CRIM1: variants seen among roughly 807,000 people sequenced by gnomAD.
CRIM1 encodes the protein cysteine rich transmembrane BMP regulator 1.
CRIM1 carries 32 observed loss-of-function variants against 116.4 expected under a neutral mutation model. That is an observed-to-expected ratio of 0.27 (90% confidence interval 0.21 to 0.37). The LOEUF is 0.37. Ranked by LOEUF, CRIM1 falls within the 10% of genes least tolerant of loss-of-function variation. CRIM1 has a pLI of 1.00. For missense variants in CRIM1, 1,331 were observed against 1,354.8 expected, an observed-to-expected ratio of 0.98 and a Z score of 0.28; for synonymous variants, 590 against 509.2, an observed-to-expected ratio of 1.16 and a Z score of -2.13.
chr2:36,384,402 C>CT (rs1237704277), intron 1 of CRIM1, among the ~76,000 whole-genome samples: 3 of 152,190 alleles, frequency 2.0e-5, no homozygotes, highest in Non-Finnish European at 4.4e-5. Flanking sequence ...ATAGATACGG[C>CT]TTGTGCTGTC....
intron 5 of CRIM1, among the ~76,000 whole-genome samples, chr2:36,472,540 C>A (rs1393345357): frequency 6.6e-6 from 1 of 152,126 alleles, no homozygotes; most frequent in African/African-American, 2.4e-5. Context: ...GTCCCATCCC[C>A]TCCTGCTTAA....
intron 2 of CRIM1, among the ~76,000 whole-genome samples, chr2:36,418,645 G>C (rs1673812146): frequency 6.6e-6 from 1 of 152,146 alleles, no homozygotes. Context: ...TGCAGAGGTG[G>C]TATAAAGCCA....
intron 6 of CRIM1, among the ~76,000 whole-genome samples, chr2:36,477,597 G>A (rs1363653451): frequency 6.6e-6 from 1 of 152,184 alleles, no homozygotes; most frequent in Non-Finnish European, 1.5e-5. Flanking sequence ...TGGGGTCGTG[G>A]TATCAGGTCA....
At chr2:36,505,830 TGTTTGCAAA>T (rs1681352027) in intron 8 of CRIM1, among the ~76,000 whole-genome samples, 1 of 152,158 alleles carries the variant, frequency 6.6e-6, no homozygotes, top group Non-Finnish European at 1.5e-5. Flanking sequence ...AACGAATAAA[TGTTTGCAAA>T]GCAAACATTG....
At chr2:36,364,480 A>G (rs1433962388) in intron 1 of CRIM1, among the ~76,000 whole-genome samples, 1 of 152,232 alleles carries the variant, frequency 6.6e-6, no homozygotes, top group Non-Finnish European at 1.5e-5. Flanking sequence ...GGAAATGCCA[A>G]GCATGTCAGG....
intron 5 of CRIM1, among the ~76,000 whole-genome samples, chr2:36,465,505 A>T (rs575511372): frequency 1.3e-5 from 2 of 152,254 alleles, no homozygotes; most frequent in Non-Finnish European, 2.9e-5. Context: ...ATTCATATCA[A>T]ATACTTCCTG....
At chr2:36,478,014 G>A (rs1679118189) in intron 6 of CRIM1, among the ~76,000 whole-genome samples, 1 of 152,202 alleles carries the variant, frequency 6.6e-6, no homozygotes, top group African/African-American at 2.4e-5. Flanking sequence ...GAAGTCGCAT[G>A]TGTTAATCTT....
chr2:36,363,537 C>CG (rs1280842083), intron 1 of CRIM1, among the ~76,000 whole-genome samples: 1 of 143,192 alleles, frequency 7.0e-6, no homozygotes, highest in Admixed American at 6.9e-5. Flanking sequence ...CCGCCCCCCC[C>CG]CCCCATGACT....
intron 2 of CRIM1, among the ~76,000 whole-genome samples, chr2:36,426,513 T>C (rs1357848759): frequency 4.6e-5 from 7 of 152,174 alleles, no homozygotes; most frequent in Non-Finnish European, 8.8e-5. Flanking sequence ...GAAGAAATTA[T>C]CTTGAATAGG....
chr2:36,476,768 G>T (rs1242022644), intron 5 of CRIM1, 121 bp from the exon 6 acceptor site: 1 of 747,564 alleles, frequency 1.3e-6, no homozygotes, highest in African/African-American at 1.8e-5. Context: ...ATTGAGTTGA[G>T]TAAATTTCCA....
intron 1 of CRIM1, among the ~76,000 whole-genome samples, chr2:36,386,314 A>C (rs1451940028): frequency 6.6e-6 from 1 of 152,212 alleles, no homozygotes; most frequent in Non-Finnish European, 1.5e-5. Flanking sequence ...TTATTTATTT[A>C]TCTAACATGG....
chr2:36,465,554 G>C (rs1164882165), intron 5 of CRIM1, among the ~76,000 whole-genome samples: 4 of 152,126 alleles, frequency 2.6e-5, no homozygotes, highest in Non-Finnish European at 5.9e-5. Context: ...GCCCTCCCAA[G>C]GCAAGAAAGG....
chr2:36,436,956 A>G (rs1029351520), intron 2 of CRIM1, among the ~76,000 whole-genome samples: 2 of 152,276 alleles, frequency 1.3e-5, no homozygotes, highest in East Asian at 3.8e-4. Context: ...AAAAATCAGA[A>G]TATAACCAAA....
rs116443803 is a variant in CRIM1, at chr2:36,451,340, A to G, written c.869+8605A>G. ...TCATCTGCCCTCAAGGAAAGAATCA[A>G]TTAATAGACAGTCTTTCTACCAAAC... On this transcript the variant is annotated intron_variant, in intron 4 of 16. Transcript: ENST00000280527. 5.1e-3 allele frequency among the ~76,000 whole-genome samples: 772 copies of G among 152,326 alleles called. 2 individuals are homozygous for G. The highest frequency in any genetic ancestry group is 0.017 in the African/African-American group (723 of 41,576).
intron 7 of CRIM1, among the ~76,000 whole-genome samples, chr2:36,483,031 T>A (rs1469644739): frequency 2.0e-5 from 3 of 152,198 alleles, no homozygotes; most frequent in African/African-American, 7.2e-5. Context: ...CTTTTTAAAT[T>A]GGCACTTAAG....
At chr2:36,392,279 A>C (rs1316164957) in intron 1 of CRIM1, among the ~76,000 whole-genome samples, 1 of 152,230 alleles carries the variant, frequency 6.6e-6, no homozygotes, top group South Asian at 2.1e-4. Context: ...AAAGTAACTT[A>C]TGTAATATCC....
At chr2:36,410,197 GT>G (rs1400963452) in intron 2 of CRIM1, among the ~76,000 whole-genome samples, 2 of 151,784 alleles carry the variant, frequency 1.3e-5, no homozygotes, top group Non-Finnish European at 2.9e-5. Flanking sequence ...TCGAGGATGT[GT>G]TTTTTTTGTT....
At chr2:36,506,748 C>G (rs1681459787) in intron 8 of CRIM1, among the ~76,000 whole-genome samples, 1 of 152,140 alleles carries the variant, frequency 6.6e-6, no homozygotes, top group African/African-American at 2.4e-5. Context: ...CATAAAGCCA[C>G]CTTTTTCTGC....
intron 13 of CRIM1, among the ~76,000 whole-genome samples, chr2:36,532,566 C>T (rs1468973144): frequency 1.3e-5 from 2 of 152,170 alleles, no homozygotes; most frequent in Non-Finnish European, 2.9e-5. Context: ...TTCGAGTCCC[C>T]ATTTTCAAGA....
Sources: gnomAD v4.1 joint callset for allele counts (sites outside exome capture counted in the v4.1 genomes callset) on GRCh38, gnomAD v4.1.1 for gene constraint, MANE v1.5 for transcripts, NCBI Gene and HGNC (gene_info 2026-07-23, HGNC 2026-07-21) for gene names.